MTERF1: variants seen among roughly 807,000 people sequenced by gnomAD.
MTERF1 encodes mitochondrial transcription termination factor 1, also known as transcription termination factor 1, mitochondrial.
A neutral mutation model predicts 31.6 loss-of-function variants in MTERF1; 29 were observed. That is an observed-to-expected ratio of 0.92 (90% CI 0.68 to 1.25). The LOEUF (loss-of-function observed/expected upper bound fraction) is 1.25. MTERF1 is among the 50% of genes most tolerant of loss of function. The probability of loss-of-function intolerance (pLI) is 0.00; values close to 1 mark genes in which losing one functional copy is unlikely to be tolerated. For synonymous variants in MTERF1, 152 were observed against 164.1 expected, an observed-to-expected ratio of 0.93 and a Z score of 0.57; for missense variants, 500 against 469.1, an observed-to-expected ratio of 1.07 and a Z score of -0.61.
At chr7:91,879,724 A>G (rs905223932) in intron 2 of MTERF1, among the ~76,000 whole-genome samples, 12 of 152,230 alleles carry the variant, frequency 7.9e-5, no homozygotes, top group Non-Finnish European at 1.5e-5. Flanking sequence ...ATAGCCTAAT[A>G]CAAGAAAGTT....
chr7:91,871,261 A>C lies in MTERF1; in HGVS notation c.*2333T>G, dbSNP rs1177030800. The stretch of plus-strand genomic sequence containing the variant: ...TGTACTGTACTTCAGTGCAACCCAC[A>C]TTCTCTCTGGCCACTTGCAACTATC... On this transcript the variant is annotated 3_prime_UTR_variant, in exon 3 of 3. Transcript: ENST00000351870. The C allele has an allele frequency of 3.3e-5, 5 of 152,164 alleles. No homozygotes were observed. Among genetic ancestry groups the C allele is most frequent in the Non-Finnish European group, 5.9e-5 (4 of 68,082 alleles). 9.4% of individuals were successfully genotyped at this position (152,164 alleles called of 1,614,324 possible).
At position 91,874,492 on chromosome 7, in the gene MTERF1, A is replaced by T. The variant is rs775126460; in HGVS notation, c.302T>A (p.Ile101Asn). 1.2e-5 allele frequency: 20 copies of T among 1,614,006 alleles called. No homozygotes were observed. Among genetic ancestry groups the T allele is most frequent in the Non-Finnish European group, 4.2e-6 (5 of 1,180,036 alleles). ...CATCTTCAGGTCCTGCTCATTGGTA[A>T]TCATCCTATGAAAAACTCCAGGCTG... ...KRQPGVFHRM[I>N]TNEQDLKMFL... The change falls in exon 3 of 3, where the codon ATT becomes AAT. Residue 101 changes from isoleucine (I) to asparagine (N), a missense_variant. Physicochemically the swap from Ile to Asn is moderately radical, Grantham distance 149. Coordinates refer to ENST00000351870, the MANE Select transcript of MTERF1 (RefSeq NM_006980.5).
intron 2 of MTERF1, 81 bp downstream of exon 2, chr7:91,879,974 T>C: frequency 2.0e-6 from 3 of 1,518,898 alleles, no homozygotes; most frequent in Non-Finnish European, 1.8e-6. Context: ...AACTAATCAC[T>C]GGCCCTAAAA....
At position 91,873,867 on chromosome 7, in the gene MTERF1, C is replaced by T. The variant is rs764488972; in HGVS notation, c.927G>A (p.Glu309=). The T allele has an allele frequency of 6.2e-6, 10 of 1,614,048 alleles. No individual in the cohort carries two copies. The highest frequency in any genetic ancestry group is 8.5e-6 in the Non-Finnish European group (10 of 1,180,022). ...GATAGCTTAAGACAAACTTCTGTAC[C>T]TCTTCTTCAGTACATCCAAGAGAAA... ...KLFSLGCTEE[E]VQKFVLSYPD... Residue 309 remains glutamate, a synonymous_variant, in exon 3 of 3, where the codon GAG becomes GAA. Transcript: ENST00000351870.
chr7:91,876,294 A>C (rs1245561098), intron 2 of MTERF1, among the ~76,000 whole-genome samples: 2 of 152,238 alleles, frequency 1.3e-5, no homozygotes, highest in Non-Finnish European at 2.9e-5. Flanking sequence ...TGCCTGAGTC[A>C]TATAACAGTA....
rs750956047 is a variant in MTERF1, at chr7:91,873,659, T to C, written c.1135A>G (p.Thr379Ala). ...CTTTTTTTACTCCAAGATAGAAGAG[T>C]GATGTTTAAAGTACTCAAGTTACAG... ...AGCNLSTLNI[T>A]LLSWSKKRYE... Residue 379 changes from threonine (T) to alanine (A), a missense_variant, in exon 3 of 3, where the codon ACT (threonine) becomes GCT (alanine). Coordinates refer to ENST00000351870, the MANE Select transcript of MTERF1 (RefSeq NM_006980.5). The C allele has an allele frequency of 6.2e-7, 1 of 1,613,758 alleles. No homozygotes were observed. The highest frequency in any genetic ancestry group is 8.5e-7 in the Non-Finnish European group (1 of 1,179,938).
At chr7:91,880,145 C>T in intron 1 of MTERF1, 32 bp from the exon 2 acceptor site, 8 of 1,566,074 alleles carry the variant, frequency 5.1e-6, no homozygotes, top group Non-Finnish European at 6.1e-6. Flanking sequence ...AAAAAAAAGG[C>T]AAAATATTTC....
chr7:91,880,102 G>C lies in MTERF1; in HGVS notation c.-19C>G. Reference sequence around the variant, plus strand: ...TCTGCATCCCTCCAGAAAGGCTGGAGAACAGCTATCTCTGGAAATGACACA... The same window carrying C: ...TCTGCATCCCTCCAGAAAGGCTGGACAACAGCTATCTCTGGAAATGACACA... On this transcript the variant is annotated 5_prime_UTR_variant, in exon 2 of 3. Coordinates refer to ENST00000351870, the MANE Select transcript of MTERF1 (RefSeq NM_006980.5). 1.2e-6 allele frequency: 2 copies of C among 1,613,538 alleles called. No individual in the cohort carries two copies. Among genetic ancestry groups the C allele is most frequent in the Non-Finnish European group, 1.7e-6 (2 of 1,179,860 alleles).
Position 91,874,148 on chromosome 7 carries a change from C to T in MTERF1, c.646G>A (p.Glu216Lys). The T allele has an allele frequency of 1.2e-6, 2 of 1,614,142 alleles. No homozygotes were observed. Among genetic ancestry groups the T allele is most frequent in the Non-Finnish European group, 1.7e-6 (2 of 1,180,038 alleles). The part of the protein sequence containing the change: ...NSLDLNKQMV[E>K]FLQAAGLSLG... ...GACAAACCGGCTGCCTGCAAAAATT[C>T]AACCATCTGTTTATTCAGATCAAGA... Residue 216 changes from glutamate (E) to lysine (K), a missense_variant, in exon 3 of 3, where the codon GAA (glutamate) becomes AAA (lysine). Glu to Lys is a moderately conservative substitution (Grantham distance 56, BLOSUM62 1). Transcript: ENST00000351870.
At chr7:91,878,576 T>C (rs770310126) in intron 2 of MTERF1, among the ~76,000 whole-genome samples, 4 of 152,206 alleles carry the variant, frequency 2.6e-5, no homozygotes, top group Non-Finnish European at 5.9e-5. Flanking sequence ...GGCTCACACC[T>C]GTAATGCCAG....
rs1789218978 is a variant in MTERF1, at chr7:91,872,949, C to T, written c.*645G>A. On this transcript the variant is annotated 3_prime_UTR_variant, in exon 3 of 3. Transcript: ENST00000351870. Reference sequence around the variant, plus strand: ...ATTCACATTTAGTTTTTTATGCACACATTTAAGACTTTATAAACACTAACA... The same window carrying T: ...ATTCACATTTAGTTTTTTATGCACATATTTAAGACTTTATAAACACTAACA... 6.6e-6 allele frequency: 1 copy of T among 152,128 alleles called. No homozygotes were observed. Among genetic ancestry groups the T allele is most frequent in the South Asian group, 2.1e-4 (1 of 4,832 alleles). The allele number at this position is 152,128 out of a possible 1,614,324, so 9.4% of individuals were successfully genotyped here.
chr7:91,877,888 C>T (rs1194826589), intron 2 of MTERF1, among the ~76,000 whole-genome samples: 1 of 152,210 alleles, frequency 6.6e-6, no homozygotes, highest in African/African-American at 2.4e-5. Context: ...CTTCTAACTA[C>T]CTTTCTAGCT....
chr7:91,877,464 CA>C (rs762956854), intron 2 of MTERF1, among the ~76,000 whole-genome samples: 2 of 152,202 alleles, frequency 1.3e-5, no homozygotes, highest in Non-Finnish European at 2.9e-5. Flanking sequence ...TCCCAGTCCC[CA>C]AATTTGCCCT....
rs1184711074 is a variant in MTERF1 at position 91,873,842 on chromosome 7, G to A, written c.952C>T (p.Pro318Ser). The A allele has an allele frequency of 4.3e-6, 7 of 1,614,086 alleles. No homozygotes were observed. In the South Asian group the frequency reaches 4.4e-5, roughly 10 times the overall value. Residue 318 changes from proline (P) to serine (S), a missense_variant, in exon 3 of 3, where the codon CCA becomes TCA. Physicochemically the swap from Pro to Ser is moderately conservative, Grantham distance 74. Transcript: ENST00000351870. ...TTCTCTGCCAAGAAGATCACATCTGGATAGCTTAAGACAAACTTCTGTACC... is the reference window on the plus strand; with the variant it reads ...TTCTCTGCCAAGAAGATCACATCTGAATAGCTTAAGACAAACTTCTGTACC... ...EEVQKFVLSY[P>S]DVIFLAEKKF...
rs1011722413 is a variant in MTERF1 at position 91,874,257 on chromosome 7, A to C, written c.537T>G (p.Asn179Lys). ...RSNNNLNLEN[N>K]IKFLYSVGLT... ...ATCCAACTGAGTAGAGGAACTTTAT[A>C]TTATTCTCTAAGTTTAGGTTGTTAT... The change falls in exon 3 of 3, where the codon AAT becomes AAG. Residue 179 changes from asparagine (N) to lysine (K), a missense_variant. Asn to Lys is a moderately conservative substitution (Grantham distance 94). Transcript: ENST00000351870. 6.2e-7 allele frequency: 1 copy of C among 1,614,062 alleles called. No homozygotes were observed. Among genetic ancestry groups the C allele is most frequent in the Non-Finnish European group, 8.5e-7 (1 of 1,179,996 alleles).
Position 91,873,776 on chromosome 7 carries a change from T to TCTCACAA in MTERF1, c.1017_1018insTTGTGAG (p.Ile340LeufsTer2), listed in dbSNP as rs1562842828. On this transcript the variant is annotated stop_gained and frameshift_variant, in exon 3 of 3. Transcript: ENST00000351870. LOFTEE classifies it high-confidence loss of function. ...TTTTCGATTATTTGTGAAATGCTAA[T>TCTCACAA]GTTTTCTTCCATGAGGCAGTCTATT... 7 of 1,614,036 alleles carry TCTCACAA rather than the reference T, an allele frequency of 4.3e-6. No individual in the cohort carries two copies. Among genetic ancestry groups the TCTCACAA allele is most frequent in the Non-Finnish European group, 5.1e-6 (6 of 1,180,022 alleles).
In MTERF1 at chr7:91,874,391, T is replaced by C. The variant is rs1789284422; in HGVS notation, c.403A>G (p.Thr135Ala). 1 of 1,614,156 alleles carries C rather than the reference T, an allele frequency of 6.2e-7. No individual in the cohort carries two copies. The highest frequency in any genetic ancestry group is 8.5e-7 in the Non-Finnish European group (1 of 1,180,040). The change falls in exon 3 of 3, where the codon ACT becomes GCT. Residue 135 changes from threonine (T) to alanine (A), a missense_variant. Coordinates refer to ENST00000351870, the MANE Select transcript of MTERF1 (RefSeq NM_006980.5). ...ISRYPRAITRTPENLSKRWDL... is the reference protein window; with the variant it reads ...ISRYPRAITRAPENLSKRWDL... The stretch of plus-strand genomic sequence containing the variant: ...CACCGTTTTGAAAGATTCTCGGGAG[T>C]ACGTGTTATTGCTCGTGGATATCTT...
At chr7:91,877,045 G>C in intron 2 of MTERF1, 1 of 538,188 alleles carries the variant, frequency 1.9e-6, no homozygotes. Context: ...ATTTGTATTT[G>C]TCTTAGCCTT....
At position 91,873,565 on chromosome 7, in the gene MTERF1, G is replaced by A. The variant is rs1439114160; in HGVS notation, c.*29C>T. ...TGCAATGTGGCATAACATATTCACA[G>A]TTCCTGAGAATTAAAAACATTGGCA... On this transcript the variant is annotated 3_prime_UTR_variant, in exon 3 of 3. Coordinates refer to ENST00000351870, the MANE Select transcript of MTERF1 (RefSeq NM_006980.5). 6.5e-7 allele frequency: 1 copy of A among 1,548,862 alleles called. No homozygotes were observed. Among genetic ancestry groups the A allele is most frequent in the Admixed American group, 2.0e-5 (1 of 50,272 alleles).
Sources: allele counts gnomAD v4.1 joint callset (sites outside exome capture counted in the v4.1 genomes callset), GRCh38; gene constraint gnomAD v4.1.1; transcripts MANE v1.5; gene names NCBI Gene and HGNC (gene_info 2026-07-23, HGNC 2026-07-21).